Variants in SNX18 observed in about 807,000 individuals in gnomAD.
The protein encoded by SNX18 is sorting nexin 18.
Under a neutral mutation model 48.7 loss-of-function variants are expected in SNX18, and 35 were observed. That is an observed-to-expected ratio of 0.72 (90% CI 0.55 to 0.95). The LOEUF is 0.95. SNX18 is among the 40% of genes least tolerant of loss of function. SNX18 has a pLI of 0.00. For missense variants in SNX18, 824 were observed against 871.0 expected (o/e 0.95, Z 0.68); for synonymous variants, 492 against 384.7 (o/e 1.28, Z -3.26).
the SNX18 span, among the ~76,000 whole-genome samples, chr5:54,604,713 T>C: frequency 2.6e-5 from 4 of 152,184 alleles, no homozygotes; most frequent in Admixed American, 2.0e-4. Flanking sequence ...TGCAACATTG[T>C]AAATATGCTT....
At chr5:54,635,210 T>C in the SNX18 span, among the ~76,000 whole-genome samples, 1 of 151,610 alleles carries the variant, frequency 6.6e-6, no homozygotes, top group East Asian at 1.9e-4. Context: ...GGGAGAATAT[T>C]CCCAAAGTAG....
rs753695635 is a variant in SNX18, at chr5:54,518,627, G to C, written c.675G>C (p.Val225=). The change falls in exon 1 of 2, where the codon GTG becomes GTC. Residue 225 remains valine, a synonymous_variant. Transcript: ENST00000381410. ...CGGGGCCCAAGAGCTCGGCCACCGTGAGCCGCAACCTCAATCGCTTCTCCA... is the reference window on the plus strand; with the variant it reads ...CGGGGCCCAAGAGCTCGGCCACCGTCAGCCGCAACCTCAATCGCTTCTCCA... ...HPSGPKSSAT[V]SRNLNRFSTF... 1.9e-6 allele frequency: 3 copies of C among 1,560,914 alleles called. No individual in the cohort carries two copies. Among genetic ancestry groups the C allele is most frequent in the Non-Finnish European group, 2.6e-6 (3 of 1,155,602 alleles).
the SNX18 span, among the ~76,000 whole-genome samples, chr5:54,562,633 G>A: frequency 1.3e-5 from 2 of 152,192 alleles, no homozygotes. Flanking sequence ...GTCGTGTGAA[G>A]GGATAACACA....
chr5:54,550,152 A>G (rs1396819967), downstream of SNX18, among the ~76,000 whole-genome samples: 2 of 152,202 alleles, frequency 1.3e-5, no homozygotes, highest in African/African-American at 2.4e-5. Flanking sequence ...TTGTAAGCCA[A>G]CTGAGTTACC....
the SNX18 span, among the ~76,000 whole-genome samples, chr5:54,568,230 T>A: frequency 6.6e-6 from 1 of 152,198 alleles, no homozygotes; most frequent in Non-Finnish European, 1.5e-5. Context: ...CTTGGCAGAA[T>A]GTGTTGCTAA....
intron 1 of SNX18, among the ~76,000 whole-genome samples, chr5:54,525,642 C>A (rs1487696107): frequency 6.6e-6 from 1 of 152,148 alleles, no homozygotes; most frequent in Non-Finnish European, 1.5e-5. Flanking sequence ...TAAACTGTCT[C>A]CTCCTGGCTC....
At chr5:54,547,072 AT>A (rs1762587921), downstream of SNX18, among the ~76,000 whole-genome samples, 5 of 152,234 alleles carry the variant, frequency 3.3e-5, no homozygotes, top group South Asian at 6.2e-4. Flanking sequence ...ATCTTTACAG[AT>A]TTGTTTTACA....
At chr5:54,541,131 G>A (rs1048140320) in intron 1 of SNX18, among the ~76,000 whole-genome samples, 4 of 151,962 alleles carry the variant, frequency 2.6e-5, no homozygotes, top group African/African-American at 4.8e-5. Flanking sequence ...GGCTTCAAGC[G>A]ATTCTCCTGC....
chr5:54,575,740 A>G, the SNX18 span, among the ~76,000 whole-genome samples: 2 of 152,040 alleles, frequency 1.3e-5, no homozygotes, highest in Non-Finnish European at 2.9e-5. Flanking sequence ...CCACCATACC[A>G]GGAGAGAACA....
chr5:54,633,991 C>T, the SNX18 span, among the ~76,000 whole-genome samples: 1 of 152,206 alleles, frequency 6.6e-6, no homozygotes, highest in South Asian at 2.1e-4. Context: ...ATCCTTTCTG[C>T]TTTGCTTTCA....
chr5:54,632,251 G>C, the SNX18 span, among the ~76,000 whole-genome samples: 3 of 152,194 alleles, frequency 2.0e-5, no homozygotes, highest in Non-Finnish European at 2.9e-5. Context: ...GCTTCCCAGA[G>C]ATGTGCAGAC....
In SNX18 at chr5:54,543,531, G is replaced by T; in HGVS notation, c.*99G>T. 7.0e-7 allele frequency: 1 copy of T among 1,424,228 alleles called. No homozygotes were observed. The highest frequency in any genetic ancestry group is 9.6e-7 in the Non-Finnish European group (1 of 1,046,684). The allele number at this position is 1,424,228 out of a possible 1,614,324, so 88.2% of individuals were successfully genotyped here. On this transcript the variant is annotated 3_prime_UTR_variant, in exon 2 of 2. Transcript: ENST00000381410. ...GAGCTATTGCCAGCTATCAGTGGTGGTACAAGGACGGTTTTGTGTTCATCT... is the reference window on the plus strand; with the variant it reads ...GAGCTATTGCCAGCTATCAGTGGTGTTACAAGGACGGTTTTGTGTTCATCT...
Position 54,543,367 on chromosome 5 carries a change from A to C in SNX18, c.1810A>C (p.Ile604Leu), listed in dbSNP as rs202083523. 508 of 1,614,066 alleles carry C rather than the reference A, an allele frequency of 3.1e-4. No individual in the cohort carries two copies. Among genetic ancestry groups the C allele is most frequent in the Non-Finnish European group, 4.1e-4 (478 of 1,180,016 alleles). Reference protein sequence around the residue: ...SQMQHFLQQQIIFFQKVTQKL... With the variant: ...SQMQHFLQQQLIFFQKVTQKL... The stretch of plus-strand genomic sequence containing the variant: ...GATGCAGCATTTCTTACAACAACAA[A>C]TAATATTTTTCCAAAAAGTTACCCA... Residue 604 changes from isoleucine to leucine, a missense_variant, in exon 2 of 2, where the codon ATA becomes CTA. Ile to Leu is a conservative substitution (Grantham distance 5). Coordinates refer to ENST00000381410, the MANE Select transcript of SNX18 (RefSeq NM_001102575.2).
At chr5:54,591,371 T>C in the SNX18 span, among the ~76,000 whole-genome samples, 1 of 152,164 alleles carries the variant, frequency 6.6e-6, no homozygotes, top group African/African-American at 2.4e-5. Flanking sequence ...TATTACTTTT[T>C]GTAGCAATGG....
Position 54,519,768 on chromosome 5 carries a change from C to G in SNX18, c.1621+195C>G, listed in dbSNP as rs1177784684. 4 of 1,614,026 alleles carry G rather than the reference C, an allele frequency of 2.5e-6. No homozygotes were observed. In the African/African-American group the frequency reaches 4.0e-5, roughly 16 times the overall value. On this transcript the variant is annotated intron_variant, in intron 1 of 1. Transcript: ENST00000381410. ...GACAGGCAGCTTCCTCCTCGAGTAT[C>G]TTGCATTAGGGAATGAGTACTCTTT...
At chr5:54,639,288 TA>T in the SNX18 span, among the ~76,000 whole-genome samples, 2 of 151,972 alleles carry the variant, frequency 1.3e-5, no homozygotes, top group African/African-American at 4.8e-5. Flanking sequence ...TATCATGTTT[TA>T]AAAAAAAATT....
chr5:54,602,266 T>C, the SNX18 span, among the ~76,000 whole-genome samples: 16 of 152,202 alleles, frequency 1.1e-4, no homozygotes, highest in Non-Finnish European at 1.8e-4. Flanking sequence ...GGCCGCATAA[T>C]ATGGAGACAG....
the SNX18 span, among the ~76,000 whole-genome samples, chr5:54,573,105 A>C: frequency 2.0e-5 from 3 of 152,092 alleles, no homozygotes; most frequent in African/African-American, 7.2e-5. Context: ...GAGCAAAGGC[A>C]TTCCAAATTT....
chr5:54,554,272 T>A, the SNX18 span, among the ~76,000 whole-genome samples: 1 of 152,218 alleles, frequency 6.6e-6, no homozygotes, highest in African/African-American at 2.4e-5. Context: ...TACCTTAGCA[T>A]CACCTGGGGA....
Sources: allele counts gnomAD v4.1 joint callset (sites outside exome capture counted in the v4.1 genomes callset), GRCh38; gene constraint gnomAD v4.1.1; transcripts MANE v1.5; gene names NCBI Gene and HGNC (gene_info 2026-07-23, HGNC 2026-07-21).